The following CNTNAP2 variants were observed in gnomAD, a reference collection of about 807,000 sequenced individuals.
CNTNAP2 encodes contactin associated protein 2.
A neutral mutation model predicts 155.2 loss-of-function variants in CNTNAP2; 98 were observed. The observed-to-expected ratio is 0.63, with a 90% confidence interval of 0.54 to 0.75. The LOEUF is 0.75. Ranked by LOEUF, CNTNAP2 falls within the 30% of genes least tolerant of loss-of-function variation. CNTNAP2 has a pLI of 0.00. For synonymous variants in CNTNAP2, 651 were observed against 631.2 expected, an observed-to-expected ratio of 1.03 and a Z score of -0.47; for missense variants, 1,727 against 1,688.1, an observed-to-expected ratio of 1.02 and a Z score of -0.40.
chr7:147,008,608 A>G (rs1325274367), intron 3 of CNTNAP2, among the ~76,000 whole-genome samples: 2 of 152,192 alleles, frequency 1.3e-5, no homozygotes, highest in Non-Finnish European at 2.9e-5. Context: ...ACACGTAAGT[A>G]CGCCGTCATA....
chr7:146,856,036 A>G (rs921787977), intron 3 of CNTNAP2, among the ~76,000 whole-genome samples: 58 of 150,752 alleles, frequency 3.8e-4, no homozygotes, highest in African/African-American at 1.4e-3. Flanking sequence ...AACTTGTTAA[A>G]TTAAACACAC....
intron 1 of CNTNAP2, among the ~76,000 whole-genome samples, chr7:146,643,963 G>A (rs1487638091): frequency 1.3e-5 from 2 of 152,084 alleles, no homozygotes; most frequent in African/African-American, 4.8e-5. Context: ...CTCTCTGTTG[G>A]TCTGTTATTG....
At chr7:146,421,824 C>T (rs566082148) in intron 1 of CNTNAP2, among the ~76,000 whole-genome samples, 1 of 151,850 alleles carries the variant, frequency 6.6e-6, no homozygotes, top group Admixed American at 6.6e-5. Context: ...TCATTAATTA[C>T]CTTTGTATCT....
At chr7:147,731,845 G>T (rs1198869566) in intron 13 of CNTNAP2, among the ~76,000 whole-genome samples, 1 of 152,124 alleles carries the variant, frequency 6.6e-6, no homozygotes, top group Non-Finnish European at 1.5e-5. Context: ...AGAAGAAGTT[G>T]ATTCCAACCC....
At chr7:148,250,413 C>T (rs1796342780) in intron 20 of CNTNAP2, among the ~76,000 whole-genome samples, 1 of 152,206 alleles carries the variant, frequency 6.6e-6, no homozygotes, top group Non-Finnish European at 1.5e-5. Context: ...TTTTTGTTCA[C>T]TGATGTATCC....
chr7:146,150,459 A>G (rs893818788), intron 1 of CNTNAP2, among the ~76,000 whole-genome samples: 5 of 152,142 alleles, frequency 3.3e-5, no homozygotes, highest in African/African-American at 1.2e-4. Flanking sequence ...TATGTTTTTA[A>G]TAACTGTTTA....
chr7:147,612,476 C>G (rs1408374428), intron 12 of CNTNAP2, among the ~76,000 whole-genome samples: 1 of 150,880 alleles, frequency 6.6e-6, no homozygotes. Context: ...TCTCGGCTCA[C>G]CACAACCTCT....
At chr7:147,429,268 T>C (rs890839940) in intron 10 of CNTNAP2, among the ~76,000 whole-genome samples, 3 of 152,114 alleles carry the variant, frequency 2.0e-5, no homozygotes, top group Non-Finnish European at 4.4e-5. Context: ...TTTTAAATTA[T>C]GGCCATTCTT....
At position 146,961,469 on chromosome 7, in the gene CNTNAP2, G is replaced by C. The variant is rs530329012; in HGVS notation, c.403-82438G>C. Among the ~76,000 whole-genome samples, 6 of 152,268 alleles carry C rather than the reference G, an allele frequency of 3.9e-5. No individual in the cohort carries two copies. In the East Asian group the frequency reaches 1.2e-3, roughly 29 times the overall value. Reference sequence around the variant, plus strand: ...GAAGTGAAGAACTATGAGAGCTGGGGCATTTGTCATTGGAACTTTTCCATT... The same window carrying C: ...GAAGTGAAGAACTATGAGAGCTGGGCCATTTGTCATTGGAACTTTTCCATT... On this transcript the variant is annotated intron_variant, in intron 3 of 23. Transcript: ENST00000361727.
chr7:146,495,637 C>T (rs1480903802), intron 1 of CNTNAP2, among the ~76,000 whole-genome samples: 2 of 148,460 alleles, frequency 1.3e-5, no homozygotes, highest in Non-Finnish European at 3.0e-5. Context: ...ATTTTCAGGA[C>T]GAGAATAGCA....
At chr7:147,670,913 G>C (rs780688313) in intron 13 of CNTNAP2, among the ~76,000 whole-genome samples, 3 of 152,196 alleles carry the variant, frequency 2.0e-5, no homozygotes, top group Non-Finnish European at 4.4e-5. Context: ...CACTCAAGCC[G>C]TCCACGGATG....
intron 1 of CNTNAP2, among the ~76,000 whole-genome samples, chr7:146,600,006 A>T (rs1013551308): frequency 2.0e-5 from 3 of 152,110 alleles, no homozygotes; most frequent in Non-Finnish European, 4.4e-5. Flanking sequence ...AAATGACCTT[A>T]AACATACTTA....
intron 2 of CNTNAP2, among the ~76,000 whole-genome samples, chr7:146,774,723 C>G (rs10281183): frequency 0.043 from 6,545 of 152,140 alleles, 486 homozygotes; most frequent in African/African-American, 0.14. Context: ...AATTGACTCC[C>G]AAAATGCGTA....
At chr7:146,136,409 G>T (rs1489081563) in intron 1 of CNTNAP2, among the ~76,000 whole-genome samples, 1 of 152,102 alleles carries the variant, frequency 6.6e-6, no homozygotes, top group Non-Finnish European at 1.5e-5. Flanking sequence ...ACTTTACCAT[G>T]AACATATTTT....
chr7:146,764,434 A>G (rs1364666905), intron 1 of CNTNAP2, among the ~76,000 whole-genome samples: 2 of 151,640 alleles, frequency 1.3e-5, no homozygotes, highest in Non-Finnish European at 2.9e-5. Flanking sequence ...TCCAGATTAC[A>G]GCTAGGGTAA....
chr7:146,888,830 G>A (rs183989073), intron 3 of CNTNAP2, among the ~76,000 whole-genome samples: 2 of 152,216 alleles, frequency 1.3e-5, no homozygotes, highest in Admixed American at 1.3e-4. Flanking sequence ...GTGGTTGCCA[G>A]GGGATAAGGG....
At chr7:148,262,186 C>A (rs951881331) in intron 20 of CNTNAP2, among the ~76,000 whole-genome samples, 1 of 152,030 alleles carries the variant, frequency 6.6e-6, no homozygotes, top group African/African-American at 2.4e-5. Flanking sequence ...ACTGGGTGCT[C>A]TCAGAAAAGC....
chr7:146,614,926 T>C (rs117959671), intron 1 of CNTNAP2, among the ~76,000 whole-genome samples: 2,973 of 152,248 alleles, frequency 0.02, 53 homozygotes, highest in Middle Eastern at 0.075. Context: ...ATCCTGCATA[T>C]ATCCATATTT....
In CNTNAP2 at chr7:148,315,333, G is replaced by A. The variant is rs141362991; in HGVS notation, c.3475+48207G>A. Reference sequence around the variant, plus strand: ...AGCAAAGGGAGATAGGGGTGAGGCCGTTTTATAAGATTTGGGTAGGTAAAG... The same window carrying A: ...AGCAAAGGGAGATAGGGGTGAGGCCATTTTATAAGATTTGGGTAGGTAAAG... On this transcript the variant is annotated intron_variant, in intron 21 of 23. Coordinates refer to ENST00000361727, the MANE Select transcript of CNTNAP2 (RefSeq NM_014141.6). Among the ~76,000 whole-genome samples the A allele has an allele frequency of 6.2e-3, 949 of 152,236 alleles. 8 individuals carry two copies. Among genetic ancestry groups the A allele is most frequent in the Middle Eastern group, 0.014 (4 of 294 alleles).
Sources: gnomAD v4.1 joint callset for allele counts (sites outside exome capture counted in the v4.1 genomes callset) on GRCh38, gnomAD v4.1.1 for gene constraint, MANE v1.5 for transcripts, NCBI Gene and HGNC (gene_info 2026-07-23, HGNC 2026-07-21) for gene names.